The following BOD1L1 variants were observed in gnomAD, a reference collection of about 807,000 sequenced individuals.
BOD1L1 encodes the protein biorientation of chromosomes in cell division protein 1-like 1.
A neutral mutation model predicts 240.7 loss-of-function variants in BOD1L1; 86 were observed. The observed-to-expected ratio is 0.36, with a 90% CI of 0.30 to 0.43. The LOEUF (loss-of-function observed/expected upper bound fraction) is 0.43. Ranked by LOEUF, BOD1L1 falls within the 20% of genes least tolerant of loss-of-function variation. BOD1L1 has a pLI of 1.00. For synonymous variants in BOD1L1, 1,268 were observed against 1,272.3 expected, an observed-to-expected ratio of 1.00 and a Z score of 0.07; for missense variants, 3,554 against 3,643.5, an observed-to-expected ratio of 0.98 and a Z score of 0.63.
chr4:13,581,683 C>A (rs1026564097), intron 19 of BOD1L1, among the ~76,000 whole-genome samples: 7 of 152,200 alleles, frequency 4.6e-5, no homozygotes, highest in African/African-American at 1.7e-4. Context: ...ATTTATGGTG[C>A]TCAGTCTCAA....
intron 22 of BOD1L1, 127 bp from the exon 23 acceptor site, chr4:13,577,758 T>C (rs1712886725): frequency 1.5e-6 from 1 of 687,420 alleles, no homozygotes; most frequent in African/African-American, 1.8e-5. Context: ...CATTATCTTG[T>C]ATCAGTCAAG....
At chr4:13,627,251 C>T in intron 1 of BOD1L1, 94 bp downstream of exon 1, 1 of 595,180 alleles carries the variant, frequency 1.7e-6, no homozygotes, top group South Asian at 7.5e-5. Flanking sequence ...CCGTGGCACA[C>T]AGCTGCAGCT....
Position 13,603,312 on chromosome 4 carries a change from A to C in BOD1L1, c.3588T>G (p.His1196Gln), listed in dbSNP as rs1485188541. 5.6e-6 allele frequency: 9 copies of C among 1,613,886 alleles called. No individual in the cohort carries two copies. Among genetic ancestry groups the C allele is most frequent in the Non-Finnish European group, 7.6e-6 (9 of 1,179,902 alleles). ...GTGVNSNSEK[H>Q]ADHRSTLTKK... ...TGGTCAAGGTGCTTCTATGATCGGC[A>C]TGCTTTTCAGAATTACTATTAACTC... is the stretch of plus-strand genomic sequence containing the variant. Residue 1196 changes from histidine (H) to glutamine (Q), a missense_variant, in exon 10 of 26, where the codon CAT becomes CAG. By Grantham distance (24) the His-to-Gln change is conservative. This residue lies in a region of BOD1L1 where 3,393 missense variants were observed against 3,427.1 expected (regional missense o/e 0.99). Coordinates refer to ENST00000040738, the MANE Select transcript of BOD1L1 (RefSeq NM_148894.3).
At chr4:13,584,694 A>G (rs1482144621) in intron 17 of BOD1L1, among the ~76,000 whole-genome samples, 2 of 152,116 alleles carry the variant, frequency 1.3e-5, no homozygotes, top group African/African-American at 4.8e-5. Context: ...TCCTGATGAC[A>G]CGCACGCAAC....
chr4:13,600,424 G>A lies in BOD1L1; in HGVS notation c.6476C>T (p.Ala2159Val), dbSNP rs1715033122. 1 of 1,613,950 alleles carries A rather than the reference G, an allele frequency of 6.2e-7. No homozygotes were observed. Among genetic ancestry groups the A allele is most frequent in the Non-Finnish European group, 8.5e-7 (1 of 1,179,894 alleles). ...ACTTTCAGCACACTTGATGGTTGTT[G>A]CACTGGAGATAGGCAATTCGAATTC... ...GEEFELPISS[A>V]TTIKCAESLQ... is the part of the protein sequence containing the mutation. The change falls in exon 10 of 26, where the codon GCA (alanine) becomes GTA (valine). Residue 2159 changes from alanine (A) to valine (V), a missense_variant. Ala to Val is a moderately conservative substitution (Grantham distance 64, BLOSUM62 0). Around this residue, in one of 2 missense-constraint regions of BOD1L1, gnomAD observed 3,393 missense variants for 3,427.1 expected, o/e 0.99. Coordinates refer to ENST00000040738, the MANE Select transcript of BOD1L1 (RefSeq NM_148894.3).
Position 13,604,945 on chromosome 4 carries a change from C to T in BOD1L1, c.1955G>A (p.Arg652Lys). The T allele has an allele frequency of 6.2e-7, 1 of 1,613,640 alleles. No homozygotes were observed. The highest frequency in any genetic ancestry group is 8.5e-7 in the Non-Finnish European group (1 of 1,179,776). Residue 652 changes from arginine to lysine, a missense_variant, in exon 10 of 26, where the codon AGA becomes AAA. Physicochemically the swap from Arg to Lys is conservative, Grantham distance 26 (BLOSUM62 2). This residue lies in a region of BOD1L1 where 3,393 missense variants were observed against 3,427.1 expected (regional missense o/e 0.99). Transcript: ENST00000040738. The stretch of plus-strand genomic sequence containing the variant: ...GGTAGATGTCCGTCTTTTATGTTCT[C>T]TTTCTAATTTGGATTCATTTTTGTT... Reference protein sequence around the residue: ...DENKNESKLEREHKRRTSTPV... With the variant: ...DENKNESKLEKEHKRRTSTPV...
rs143241041 is a variant in BOD1L1, at chr4:13,575,029, C to T, written c.9038+1809G>A. On this transcript the variant is annotated intron_variant, in intron 25 of 25. Transcript: ENST00000040738. ...CCACCTCCCGAGTTCAAGCGATTCT[C>T]CTGCCTCAGCTTCCCAAGTAGCTGG... 5.3e-3 allele frequency among the ~76,000 whole-genome samples: 807 copies of T among 151,930 alleles called. 36 individuals are homozygous for T. In the East Asian group the frequency reaches 0.12, roughly 22 times the overall value.
In BOD1L1 at chr4:13,572,734, G is replaced by T. The variant is rs752657281; in HGVS notation, c.9039-2606C>A. ...ATGGGGGAGAGTTACTAACTTTTTC[G>T]CTGGTAGGTAACTTCTCTTTTGCTA... On this transcript the variant is annotated intron_variant, in intron 25 of 25. Transcript: ENST00000040738. The T allele has an allele frequency of 4.3e-5, 56 of 1,289,584 alleles. 1 individual carries two copies. The highest frequency in any genetic ancestry group is 3.7e-4 in the Admixed American group (16 of 43,532). The allele number at this position is 1,289,584 out of a possible 1,614,324, so 79.9% of individuals were successfully genotyped here.
intron 6 of BOD1L1, among the ~76,000 whole-genome samples, chr4:13,610,540 C>T (rs945155283): frequency 2.0e-5 from 3 of 152,190 alleles, no homozygotes; most frequent in African/African-American, 7.2e-5. Flanking sequence ...TTGTTTCATG[C>T]ACCAAATTAT....
At position 13,568,955 on chromosome 4, in the gene BOD1L1, C is replaced by T. The variant is rs1021339341; in HGVS notation, c.*1056G>A. 3 of 152,060 alleles carry T rather than the reference C, an allele frequency of 2.0e-5. No individual in the cohort carries two copies. Among genetic ancestry groups the T allele is most frequent in the African/African-American group, 4.8e-5 (2 of 41,492 alleles). 9.4% of individuals were successfully genotyped at this position (152,060 alleles called of 1,614,324 possible). On this transcript the variant is annotated 3_prime_UTR_variant, in exon 26 of 26. Transcript: ENST00000040738. ...CATCATTGCAAGAGACAAATTTGATCGTAAGAAGTTTAATCTTATGAAAAA... is the reference window on the plus strand; with the variant it reads ...CATCATTGCAAGAGACAAATTTGATTGTAAGAAGTTTAATCTTATGAAAAA...
At chr4:13,574,312 C>T (rs1560176207) in intron 25 of BOD1L1, among the ~76,000 whole-genome samples, 1 of 151,974 alleles carries the variant, frequency 6.6e-6, no homozygotes, top group Non-Finnish European at 1.5e-5. Flanking sequence ...GAGAGCCCAC[C>T]CAACTCAGAC....
intron 13 of BOD1L1, 64 bp from the exon 14 acceptor site, chr4:13,590,510 GAA>G: frequency 1.3e-6 from 1 of 784,554 alleles, no homozygotes; most frequent in Non-Finnish European, 2.0e-6. Context: ...CAAAAAGAAA[GAA>G]GAGAGAAGGT....
Position 13,613,245 on chromosome 4 carries a change from A to C in BOD1L1, c.1324+267T>G, listed in dbSNP as rs1331283857. On this transcript the variant is annotated intron_variant, in intron 5 of 25. Transcript: ENST00000040738. The surrounding 1 kb of genome is among the most constrained non-coding windows in gnomAD (Gnocchi z 4.0). ...ACACACAAATAAAAAGCATCTTCATATATTTATCTCCTCTAAATTTTAAAT... is the reference window on the plus strand; with the variant it reads ...ACACACAAATAAAAAGCATCTTCATCTATTTATCTCCTCTAAATTTTAAAT... 6.6e-6 allele frequency among the ~76,000 whole-genome samples: 1 copy of C among 152,186 alleles called. No individual in the cohort carries two copies. The highest frequency in any genetic ancestry group is 1.5e-5 in the Non-Finnish European group (1 of 68,040).
Position 13,569,444 on chromosome 4 carries a change from A to AAGAT in BOD1L1, c.*563_*566dup, listed in dbSNP as rs1395800819. 1.3e-5 allele frequency: 2 copies of AAGAT among 152,228 alleles called. No individual in the cohort carries two copies. Among genetic ancestry groups the AAGAT allele is most frequent in the Admixed American group, 1.3e-4 (2 of 15,284 alleles). The allele number at this position is 152,228 out of a possible 1,614,324, so 9.4% of individuals were successfully genotyped here. A position where few individuals can be genotyped will look rare whatever the true frequency, so the allele number is the denominator to read the frequency against. ...ATGCGAGTTTCTGCCAGATCATATT[A>AAGAT]AGATAGTTACAGAGCAGGCAGAGTC... On this transcript the variant is annotated 3_prime_UTR_variant, in exon 26 of 26. Transcript: ENST00000040738.
At chr4:13,621,920 A>G (rs965641845) in intron 1 of BOD1L1, among the ~76,000 whole-genome samples, 1 of 145,112 alleles carries the variant, frequency 6.9e-6, no homozygotes, top group Non-Finnish European at 1.5e-5. Flanking sequence ...GCTAGAGTAC[A>G]GTGGTGTGAT....
At position 13,613,968 on chromosome 4, in the gene BOD1L1, T is replaced by C. The variant is rs191505549; in HGVS notation, c.1174+228A>G. On this transcript the variant is annotated intron_variant, in intron 4 of 25. Coordinates refer to ENST00000040738, the MANE Select transcript of BOD1L1 (RefSeq NM_148894.3). This position sits in a 1 kb window ranked among gnomAD's most constrained non-coding sequence, Gnocchi z 4.0. Reference sequence around the variant, plus strand: ...GCTTAAAATAATGTATGTGAATAAATTATAAGACAAATTATAAATTAATAA... The same window carrying C: ...GCTTAAAATAATGTATGTGAATAAACTATAAGACAAATTATAAATTAATAA... 1.1e-3 allele frequency among the ~76,000 whole-genome samples: 160 copies of C among 152,316 alleles called. No individual in the cohort carries two copies. The highest frequency in any genetic ancestry group is 2.0e-3 in the Non-Finnish European group (136 of 68,016).
In BOD1L1 at chr4:13,615,697, T is replaced by G. The variant is rs1435625239; in HGVS notation, c.369-195A>C. The stretch of plus-strand genomic sequence containing the variant: ...AGTAGCATTTAGATATACCATACTA[T>G]ACAAGTCTGTAAACTTTTCTACCAC... On this transcript the variant is annotated intron_variant, in intron 2 of 25. Transcript: ENST00000040738. Among the ~76,000 whole-genome samples the G allele has an allele frequency of 2.6e-5, 4 of 152,310 alleles. No homozygotes were observed. In the South Asian group the frequency reaches 6.2e-4, roughly 24 times the overall value.
intron 21 of BOD1L1, 57 bp from the exon 22 acceptor site, chr4:13,580,030 C>T (rs1021881446): frequency 8.3e-7 from 1 of 1,209,948 alleles, no homozygotes; most frequent in Non-Finnish European, 1.2e-6. Flanking sequence ...ATAATCATCA[C>T]ATAGAAATGC....
At chr4:13,620,507 T>C (rs1352950749) in intron 1 of BOD1L1, among the ~76,000 whole-genome samples, 2 of 152,058 alleles carry the variant, frequency 1.3e-5, no homozygotes, top group Non-Finnish European at 2.9e-5. Context: ...CCAGGAGCAT[T>C]TAGTGAGCCT....
Sources: allele counts gnomAD v4.1 joint callset (sites outside exome capture counted in the v4.1 genomes callset), GRCh38; gene constraint gnomAD v4.1.1; regional missense constraint gnomAD v4.1.1; non-coding constraint Gnocchi (gnomAD v3.1); transcripts MANE v1.5; gene names NCBI Gene and HGNC (gene_info 2026-07-23, HGNC 2026-07-21).